ARHGAP23: variants seen among roughly 807,000 people sequenced by gnomAD.
ARHGAP23 encodes the protein rho GTPase-activating protein 23.
A neutral mutation model predicts 136.3 loss-of-function variants in ARHGAP23; 34 were observed. The observed-to-expected ratio is 0.25, with a 90% confidence interval of 0.19 to 0.33. The LOEUF is 0.33. Among genes scored for constraint, ARHGAP23 ranks in the 10% least tolerant of loss-of-function variants. The probability of loss-of-function intolerance (pLI) is 1.00; values close to 1 mark genes in which losing one functional copy is unlikely to be tolerated. For missense variants in ARHGAP23, 1,808 were observed against 2,139.0 expected, an observed-to-expected ratio of 0.85 and a Z score of 3.05; for synonymous variants, 832 against 920.5, an observed-to-expected ratio of 0.90 and a Z score of 1.74.
chr17:38,484,420 G>A (rs1334380749), intron 16 of ARHGAP23, among the ~76,000 whole-genome samples: 2 of 152,076 alleles, frequency 1.3e-5, no homozygotes, highest in African/African-American at 2.4e-5. Flanking sequence ...ATAAACAGGC[G>A]CTATATTGAG....
At chr17:38,420,196 T>A (rs988681479) in intron 1 of ARHGAP23, among the ~76,000 whole-genome samples, 36 of 152,144 alleles carry the variant, frequency 2.4e-4, no homozygotes, top group Non-Finnish European at 4.4e-4. Context: ...ACCAGTCCCC[T>A]TCAGTGAGCA....
intron 20 of ARHGAP23, among the ~76,000 whole-genome samples, chr17:38,492,251 T>C (rs1295023344): frequency 3.3e-5 from 5 of 152,216 alleles, no homozygotes. Flanking sequence ...CCTTCTGGTG[T>C]GCACACGGAT....
intron 17 of ARHGAP23, among the ~76,000 whole-genome samples, chr17:38,486,854 C>A (rs1444790100): frequency 5.9e-5 from 9 of 152,250 alleles, no homozygotes; most frequent in African/African-American, 1.2e-4. Context: ...CGGGCTTTGG[C>A]CGTTTGCTGA....
chr17:38,478,008 G>A lies in ARHGAP23; in HGVS notation c.2436+112G>A. On this transcript the variant is annotated intron_variant, in intron 12 of 23. Coordinates refer to ENST00000622683, the MANE Select transcript of ARHGAP23 (RefSeq NM_001199417.2). ...TCACTTCCCTCTGCTAGAAAGGGGG[G>A]CTGACAGGAGTGCACCTCGTGATTG... is the stretch of plus-strand genomic sequence containing the variant. The A allele has an allele frequency of 3.5e-6, 4 of 1,149,264 alleles. No homozygotes were observed. In the South Asian group the frequency reaches 5.7e-5, roughly 16 times the overall value. 71.2% of individuals were successfully genotyped at this position (1,149,264 alleles called of 1,614,324 possible).
intron 1 of ARHGAP23, among the ~76,000 whole-genome samples, chr17:38,421,358 TC>T (rs776674227): frequency 6.6e-6 from 1 of 152,088 alleles, no homozygotes; most frequent in Non-Finnish European, 1.5e-5. Context: ...GTGAGGTCCC[TC>T]CCCACAGACA....
chr17:38,428,219 T>C (rs566201319), upstream of ARHGAP23, among the ~76,000 whole-genome samples: 73 of 152,296 alleles, frequency 4.8e-4, no homozygotes, highest in Admixed American at 1.2e-3. Flanking sequence ...ACCGCCTCTC[T>C]TCGCCAGGCT....
chr17:38,453,799 G>C (rs1221440937), intron 1 of ARHGAP23: 2 of 144,628 alleles, frequency 1.4e-5, no homozygotes, highest in African/African-American at 5.0e-5. Context: ...CCGCGGCTCC[G>C]GGGGGCGGGC....
rs950032109 is a variant in ARHGAP23 at position 38,509,805 on chromosome 17, A to G, written c.3448-139A>G. 18 of 617,722 alleles carry G rather than the reference A, an allele frequency of 2.9e-5. No individual in the cohort carries two copies. In the African/African-American group the frequency reaches 3.4e-4, roughly 12 times the overall value. 38.3% of individuals were successfully genotyped at this position (617,722 alleles called of 1,614,324 possible). On this transcript the variant is annotated intron_variant, in intron 23 of 23. Transcript: ENST00000622683. ...CACGGGGCTGGAGGAGGAGCGTTTTATGATGCGGCCGTGGGTGCTGGCCTT... is the reference window on the plus strand; with the variant it reads ...CACGGGGCTGGAGGAGGAGCGTTTTGTGATGCGGCCGTGGGTGCTGGCCTT...
intron 11 of ARHGAP23, among the ~76,000 whole-genome samples, chr17:38,474,824 G>GTC (rs1173307571): frequency 2.6e-5 from 4 of 152,184 alleles, no homozygotes; most frequent in Admixed American, 1.3e-4. Context: ...CATGGGGTGG[G>GTC]AGCCATGAGG....
chr17:38,461,183 C>T lies in ARHGAP23; in HGVS notation c.253+251C>T, dbSNP rs542993673. Among the ~76,000 whole-genome samples the T allele has an allele frequency of 2.0e-5, 3 of 152,336 alleles. No homozygotes were observed. In the East Asian group the frequency reaches 5.8e-4, roughly 29 times the overall value. ...ATTTCCTCCACAGAAGTTTGCTGAG[C>T]TCGGCACACTGTGGGCGGCACTCTG... On this transcript the variant is annotated intron_variant, in intron 3 of 23. Transcript: ENST00000622683.
At chr17:38,438,321 CAAAAAAAAAA>C (rs34412310) in intron 1 of ARHGAP23, among the ~76,000 whole-genome samples, 10 of 115,962 alleles carry the variant, frequency 8.6e-5, no homozygotes, top group Middle Eastern at 4.5e-3. Context: ...GACTCCGTCT[CAAAAAAAAAA>C]AAAAAAAAAA....
chr17:38,461,423 T>C (rs1265037451), intron 3 of ARHGAP23, among the ~76,000 whole-genome samples: 1 of 152,194 alleles, frequency 6.6e-6, no homozygotes, highest in African/African-American at 2.4e-5. Flanking sequence ...TTGCTGTGGC[T>C]CTTGCTCCCC....
At chr17:38,494,485 G>A (rs1329706792) in intron 20 of ARHGAP23, among the ~76,000 whole-genome samples, 2 of 152,128 alleles carry the variant, frequency 1.3e-5, no homozygotes, top group East Asian at 1.9e-4. Context: ...ACTACTTGGG[G>A]GGCTGAGGTG....
chr17:38,466,011 C>T (rs1266671372), intron 6 of ARHGAP23, among the ~76,000 whole-genome samples, 156 bp from the exon 7 acceptor site: 2 of 151,812 alleles, frequency 1.3e-5, no homozygotes, highest in African/African-American at 4.8e-5. Context: ...ACCTGCCCTT[C>T]CACCCCCACC....
In ARHGAP23 at chr17:38,482,724, G is replaced by A. The variant is rs1399939880; in HGVS notation, c.2907+46G>A. 2.0e-6 allele frequency: 3 copies of A among 1,511,350 alleles called. No individual in the cohort carries two copies. The East Asian group carries it at 7.4e-5, about 37-fold the overall frequency. 93.6% of individuals were successfully genotyped at this position (1,511,350 alleles called of 1,614,324 possible). A position where few individuals can be genotyped will look rare whatever the true frequency, so the allele number is the denominator to read the frequency against. On this transcript the variant is annotated intron_variant, in intron 16 of 23. Transcript: ENST00000622683. ...TGTGGAAGAGGGGCTGAGATGGTGTGTGGGTGGTGCTCCGCTTGGAGAGTT... is the reference window on the plus strand; with the variant it reads ...TGTGGAAGAGGGGCTGAGATGGTGTATGGGTGGTGCTCCGCTTGGAGAGTT...
rs536219015 is a variant in ARHGAP23 at position 38,434,090 on chromosome 17, G to T, written c.63+5542G>T. Among the ~76,000 whole-genome samples, 31 of 152,332 alleles carry T rather than the reference G, an allele frequency of 2.0e-4. No individual in the cohort carries two copies. The South Asian group carries it at 6.0e-3, about 30-fold the overall frequency. ...TCCACTTGCCTTGGCCTCCCGAAGT[G>T]CTGGGATTACAAGCGTGAGCCACCG... On this transcript the variant is annotated intron_variant, in intron 1 of 23. Coordinates refer to ENST00000622683, the MANE Select transcript of ARHGAP23 (RefSeq NM_001199417.2).
chr17:38,489,759 T>C (rs2040231880), intron 17 of ARHGAP23: 1 of 245,860 alleles, frequency 4.1e-6, no homozygotes. Context: ...CCTCTCCAGG[T>C]GCCCTTCTCT....
chr17:38,430,649 T>A (rs996314537), intron 1 of ARHGAP23, among the ~76,000 whole-genome samples: 6 of 152,158 alleles, frequency 3.9e-5, no homozygotes, highest in African/African-American at 1.4e-4. Context: ...AGTTAGATAC[T>A]CAGGAGAACT....
At chr17:38,433,815 GA>G (rs2038734597) in intron 1 of ARHGAP23, among the ~76,000 whole-genome samples, 1 of 152,120 alleles carries the variant, frequency 6.6e-6, no homozygotes, top group South Asian at 2.1e-4. Context: ...TGATAGGTGG[GA>G]AAATGTGGGA....
Sources: gnomAD v4.1 joint callset for allele counts (sites outside exome capture counted in the v4.1 genomes callset) on GRCh38, gnomAD v4.1.1 for gene constraint, MANE v1.5 for transcripts, NCBI Gene and HGNC (gene_info 2026-07-23, HGNC 2026-07-21) for gene names.